ROBO2: variants seen among roughly 807,000 people sequenced by gnomAD.
ROBO2 encodes roundabout homolog 2.
Under a neutral mutation model 160.8 loss-of-function variants are expected in ROBO2, and 53 were observed. The observed-to-expected ratio is 0.33, with a 90% CI of 0.26 to 0.41. The LOEUF (loss-of-function observed/expected upper bound fraction) is 0.41, where lower values mean the gene tolerates loss of function less well. ROBO2 is among the 10% of genes least tolerant of loss of function. ROBO2 has a pLI of 1.00. For synonymous variants in ROBO2, 664 were observed against 611.7 expected (o/e 1.09, Z -1.26); for missense variants, 1,577 against 1,722.4 (o/e 0.92, Z 1.49).
intron 2 of ROBO2, among the ~76,000 whole-genome samples, chr3:76,713,660 T>A (rs1420060428): frequency 2.0e-5 from 3 of 152,184 alleles, no homozygotes; most frequent in Non-Finnish European, 4.4e-5. Flanking sequence ...TTGCATTAAC[T>A]TGTTTGAACA....
chr3:76,216,839 A>C (rs914245758), intron 2 of ROBO2, among the ~76,000 whole-genome samples: 3 of 152,142 alleles, frequency 2.0e-5, no homozygotes, highest in Non-Finnish European at 4.4e-5. Flanking sequence ...CTCTCCACCC[A>C]AAATCAACAG....
rs59725522 is a variant in ROBO2, at chr3:77,428,339, A to ATTTT, written c.389-49051_389-49048dup. ...GCATTCACAGCAAAACTTAGGTAAT[A>ATTTT]TTTTTTTTTTTTTTTTTTTTTTTTT... On this transcript the variant is annotated intron_variant, in intron 2 of 25. Coordinates refer to ENST00000461745, the Ensembl canonical transcript of ROBO2. 9.0e-4 allele frequency among the ~76,000 whole-genome samples: 95 copies of ATTTT among 105,568 alleles called. 8 individuals are homozygous for ATTTT. The highest frequency in any genetic ancestry group is 3.7e-3 in the African/African-American group (89 of 23,848). The allele number at this position is 105,568 out of a possible 152,430, so 69.3% of individuals were successfully genotyped here.
intron 2 of ROBO2, among the ~76,000 whole-genome samples, chr3:76,812,617 C>T (rs2065289240): frequency 6.6e-6 from 1 of 151,948 alleles, no homozygotes; most frequent in Non-Finnish European, 1.5e-5. Flanking sequence ...ACTTTTTAAT[C>T]TTTCTCTCAG....
intron 2 of ROBO2, among the ~76,000 whole-genome samples, chr3:76,340,944 T>C (rs2074185687): frequency 6.6e-6 from 1 of 152,072 alleles, no homozygotes; most frequent in Non-Finnish European, 1.5e-5. Flanking sequence ...GACAGTAAAA[T>C]AAAGGCAAAA....
chr3:76,375,186 T>A lies in ROBO2; in HGVS notation c.109+437584T>A, dbSNP rs147492142. ...CTGAAGAAATGTTGTCTTGGCAACC[T>A]ATGAGTTACCTTAAATTTGGCATCC... On this transcript the variant is annotated intron_variant, in intron 2 of 26. Transcript: ENST00000487694. Among the ~76,000 whole-genome samples, 19 of 152,138 alleles carry A rather than the reference T, an allele frequency of 1.2e-4. No individual in the cohort carries two copies. In the East Asian group the frequency reaches 3.3e-3, roughly 26 times the overall value.
intron 2 of ROBO2, among the ~76,000 whole-genome samples, chr3:76,456,963 A>C (rs972585531): frequency 5.9e-5 from 9 of 152,274 alleles, no homozygotes; most frequent in South Asian, 4.1e-4. Context: ...CCATGATTCA[A>C]TTACCTCCTT....
intron 6 of ROBO2, among the ~76,000 whole-genome samples, chr3:77,538,421 C>T (rs987966477): frequency 2.0e-5 from 3 of 151,986 alleles, no homozygotes; most frequent in Non-Finnish European, 2.9e-5. Flanking sequence ...TCATGATCTG[C>T]CCGCCTTGGT....
At chr3:76,943,965 A>G (rs543904887) in intron 2 of ROBO2, among the ~76,000 whole-genome samples, 5 of 152,334 alleles carry the variant, frequency 3.3e-5, no homozygotes, top group South Asian at 2.1e-4. Context: ...TTATTTATCT[A>G]ATTCAAAGTT....
chr3:76,861,287 C>T (rs955364733), intron 2 of ROBO2, among the ~76,000 whole-genome samples: 2 of 152,156 alleles, frequency 1.3e-5, no homozygotes, highest in African/African-American at 4.8e-5. Flanking sequence ...AATAGTGGTA[C>T]CTACCTTGTA....
chr3:76,782,559 A>C (rs1048209399), intron 2 of ROBO2, among the ~76,000 whole-genome samples: 8 of 150,788 alleles, frequency 5.3e-5, no homozygotes, highest in Admixed American at 2.7e-4. Flanking sequence ...ATGATGCTCT[A>C]ATATTGAGTG....
intron 2 of ROBO2, among the ~76,000 whole-genome samples, chr3:77,323,042 T>C (rs2064966641): frequency 1.4e-5 from 2 of 140,286 alleles, no homozygotes; most frequent in African/African-American, 2.7e-5. Context: ...TATTATATTA[T>C]GGATAATATA....
At chr3:76,660,327 C>T (rs962686533) in intron 2 of ROBO2, among the ~76,000 whole-genome samples, 1 of 152,066 alleles carries the variant, frequency 6.6e-6, no homozygotes, top group Non-Finnish European at 1.5e-5. Context: ...GGCACTGGAG[C>T]GGTGACCCAG....
intron 2 of ROBO2, among the ~76,000 whole-genome samples, chr3:76,674,991 AG>A (rs1236988749): frequency 1.8e-4 from 27 of 152,328 alleles, no homozygotes; most frequent in African/African-American, 6.5e-4. Flanking sequence ...AAAGCATAGT[AG>A]CTCCTTTGGA....
At chr3:76,661,265 T>G (rs1290992901) in intron 2 of ROBO2, among the ~76,000 whole-genome samples, 3 of 152,174 alleles carry the variant, frequency 2.0e-5, no homozygotes, top group Non-Finnish European at 4.4e-5. Flanking sequence ...ACAAGAAATT[T>G]TAAGTGACCT....
intron 24 of ROBO2, 116 bp downstream of exon 25, chr3:77,635,159 C>T (rs2095242573): frequency 4.5e-6 from 5 of 1,116,244 alleles, no homozygotes; most frequent in Non-Finnish European, 6.6e-6. Flanking sequence ...CATAACAAGA[C>T]AAAAACCTGG....
At chr3:76,889,264 C>T (rs1209544918) in intron 2 of ROBO2, among the ~76,000 whole-genome samples, 1 of 152,064 alleles carries the variant, frequency 6.6e-6, no homozygotes, top group African/African-American at 2.4e-5. Flanking sequence ...GCATTTTATT[C>T]TCAAAGTAAC....
At chr3:76,819,260 C>A (rs1297783927) in intron 2 of ROBO2, among the ~76,000 whole-genome samples, 1 of 152,050 alleles carries the variant, frequency 6.6e-6, no homozygotes, top group Non-Finnish European at 1.5e-5. Flanking sequence ...AACTTGAGAT[C>A]TGAAGAATGA....
intron 2 of ROBO2, among the ~76,000 whole-genome samples, chr3:77,247,693 T>C (rs1323409454): frequency 1.3e-5 from 2 of 152,236 alleles, no homozygotes; most frequent in Non-Finnish European, 2.9e-5. Context: ...CAAATGCACG[T>C]GCTCTCTTTT....
chr3:77,229,312 A>C (rs77727331), intron 2 of ROBO2, among the ~76,000 whole-genome samples: 173 of 152,228 alleles, frequency 1.1e-3, no homozygotes, highest in African/African-American at 3.9e-3. Flanking sequence ...ACTATTAATA[A>C]CAGTGTACTA....
Sources: allele counts gnomAD v4.1 joint callset (sites outside exome capture counted in the v4.1 genomes callset), GRCh38; gene constraint gnomAD v4.1.1; transcripts MANE v1.5; gene names NCBI Gene and HGNC (gene_info 2026-07-23, HGNC 2026-07-21).